RBFOX3: variants seen among roughly 807,000 people sequenced by gnomAD.
RBFOX3 encodes RNA binding fox-1 homolog 3, also known as RNA binding protein fox-1 homolog 3.
Under a neutral mutation model 48.7 loss-of-function variants are expected in RBFOX3, and 17 were observed. The ratio of observed to expected loss-of-function variants is 0.35; its 90% CI spans 0.24 to 0.52. RBFOX3 has a LOEUF of 0.52. RBFOX3 is among the 20% of genes least tolerant of loss of function. The pLI is 0.94. For missense variants in RBFOX3, 382 were observed against 497.5 expected, an observed-to-expected ratio of 0.77 and a Z score of 2.21; for synonymous variants, 212 against 209.5, an observed-to-expected ratio of 1.01 and a Z score of -0.10.
At chr17:79,202,786 C>G (rs910732384) in intron 4 of RBFOX3, among the ~76,000 whole-genome samples, 1 of 152,278 alleles carries the variant, frequency 6.6e-6, no homozygotes, top group East Asian at 1.9e-4. Context: ...CCACGTGGGA[C>G]TCCTGCAGAG....
intron 1 of RBFOX3, among the ~76,000 whole-genome samples, chr17:79,531,094 G>T (rs899837837): frequency 6.6e-6 from 1 of 152,240 alleles, no homozygotes; most frequent in South Asian, 2.1e-4. Context: ...AATCGTTTGC[G>T]CAGAGCCTGC....
At chr17:79,138,700 CAT>C (rs1257963945) in intron 4 of RBFOX3, among the ~76,000 whole-genome samples, 7 of 89,476 alleles carry the variant, frequency 7.8e-5, no homozygotes, top group African/African-American at 1.7e-4. Context: ...GGACACAGCA[CAT>C]GCGTTCACAC....
At chr17:79,407,279 A>G (rs1428911270) in intron 2 of RBFOX3, among the ~76,000 whole-genome samples, 2 of 152,224 alleles carry the variant, frequency 1.3e-5, no homozygotes, top group African/African-American at 4.8e-5. Context: ...AAGTGCCGGG[A>G]TTACAGGCGT....
At chr17:79,550,097 C>CT (rs2090988197) in intron 1 of RBFOX3, among the ~76,000 whole-genome samples, 1 of 152,166 alleles carries the variant, frequency 6.6e-6, no homozygotes, top group Non-Finnish European at 1.5e-5. Context: ...GGGACAACTT[C>CT]CCCAGCCAGG....
chr17:79,293,948 G>A (rs967924062), intron 3 of RBFOX3, among the ~76,000 whole-genome samples: 9 of 152,284 alleles, frequency 5.9e-5, no homozygotes, highest in African/African-American at 1.7e-4. Context: ...AAACAGGGCC[G>A]AGAAAGAGCC....
At chr17:79,191,479 G>A (rs891464243) in intron 4 of RBFOX3, among the ~76,000 whole-genome samples, 3 of 152,162 alleles carry the variant, frequency 2.0e-5, no homozygotes, top group Non-Finnish European at 4.4e-5. Flanking sequence ...AAGCCAAAGC[G>A]TCAGCTCATT....
At chr17:79,336,389 AAAATAAAT>A (rs71161661) in intron 2 of RBFOX3, among the ~76,000 whole-genome samples, 18 of 146,904 alleles carry the variant, frequency 1.2e-4, no homozygotes, top group Admixed American at 5.4e-4. Flanking sequence ...TTCATCTCAA[AAAATAAAT>A]AAATAAATAA....
At chr17:79,386,713 C>T (rs910191970) in intron 2 of RBFOX3, among the ~76,000 whole-genome samples, 2 of 152,198 alleles carry the variant, frequency 1.3e-5, no homozygotes. Flanking sequence ...TCCCTGCAGC[C>T]CTTGGGGTCC....
intron 2 of RBFOX3, among the ~76,000 whole-genome samples, chr17:79,406,831 G>A (rs2063596015): frequency 6.6e-6 from 1 of 152,142 alleles, no homozygotes; most frequent in Non-Finnish European, 1.5e-5. Flanking sequence ...GAGCAGCCAG[G>A]ACCTGGGGGG....
At chr17:79,292,484 A>C (rs2073464292) in intron 3 of RBFOX3, among the ~76,000 whole-genome samples, 1 of 152,130 alleles carries the variant, frequency 6.6e-6, no homozygotes, top group South Asian at 2.1e-4. Flanking sequence ...GAAGGTTCTC[A>C]ATGAATACTG....
At chr17:79,612,151 G>T (rs901237203), upstream of RBFOX3, among the ~76,000 whole-genome samples, 5 of 152,226 alleles carry the variant, frequency 3.3e-5, no homozygotes, top group Non-Finnish European at 7.3e-5. Flanking sequence ...ACAGGTTTAG[G>T]CAGGAGGCTG....
intron 2 of RBFOX3, among the ~76,000 whole-genome samples, chr17:79,409,676 C>G (rs1294885413): frequency 6.6e-6 from 1 of 152,210 alleles, no homozygotes; most frequent in Non-Finnish European, 1.5e-5. Flanking sequence ...TGTGTCTAAC[C>G]CCAGAGCAGG....
At chr17:79,268,151 G>A (rs1751238345) in intron 3 of RBFOX3, among the ~76,000 whole-genome samples, 1 of 54,450 alleles carries the variant, frequency 1.8e-5, no homozygotes, top group Non-Finnish European at 6.3e-5. Context: ...CAAGCAGGGA[G>A]AGTGGCTTCT....
chr17:79,103,801 G>A lies in RBFOX3; in HGVS notation c.414+272C>T, dbSNP rs767895719. 9.2e-5 allele frequency among the ~76,000 whole-genome samples: 14 copies of A among 152,052 alleles called. No homozygotes were observed. Among genetic ancestry groups the A allele is most frequent in the Non-Finnish European group, 1.9e-4 (13 of 68,004 alleles). On this transcript the variant is annotated intron_variant, in intron 7 of 14. Transcript: ENST00000693108. The surrounding 1 kb of genome is among the most constrained non-coding windows in gnomAD (Gnocchi z 6.1). ...GGTCCCCTGGGGTAAGTGTTCAGTG[G>A]GGGTGGGGCCCGGACCTGGGGCCCA...
At chr17:79,276,843 C>CCA (rs1157612881) in intron 3 of RBFOX3, among the ~76,000 whole-genome samples, 1 of 152,178 alleles carries the variant, frequency 6.6e-6, no homozygotes, top group Non-Finnish European at 1.5e-5. Context: ...GGAGAAGAGA[C>CCA]CACTGCCCCT....
At chr17:79,232,596 C>T (rs148730828) in intron 4 of RBFOX3, among the ~76,000 whole-genome samples, 3 of 152,284 alleles carry the variant, frequency 2.0e-5, no homozygotes, top group African/African-American at 7.2e-5. Context: ...GAAAAATAAA[C>T]CTCAATCTAT....
intron 1 of RBFOX3, among the ~76,000 whole-genome samples, chr17:79,547,830 A>T (rs757121420): frequency 3.6e-5 from 5 of 137,252 alleles, no homozygotes; most frequent in Non-Finnish European, 5.9e-5. Context: ...CCTGGGCTGT[A>T]CTCGCACCCA....
At chr17:79,147,484 G>A (rs2043272793) in intron 4 of RBFOX3, among the ~76,000 whole-genome samples, 2 of 152,244 alleles carry the variant, frequency 1.3e-5, no homozygotes, top group Admixed American at 6.5e-5. Flanking sequence ...TGCGCCAGAA[G>A]AGGCCTGGGG....
intron 4 of RBFOX3, among the ~76,000 whole-genome samples, chr17:79,177,733 G>A (rs564962024): frequency 2.0e-5 from 3 of 152,316 alleles, no homozygotes; most frequent in East Asian, 3.9e-4. Context: ...GATTTTACTA[G>A]TAGTTCCTGG....
Sources: allele counts gnomAD v4.1 joint callset (sites outside exome capture counted in the v4.1 genomes callset), GRCh38; gene constraint gnomAD v4.1.1; non-coding constraint Gnocchi (gnomAD v3.1); transcripts MANE v1.5; gene names NCBI Gene and HGNC (gene_info 2026-07-23, HGNC 2026-07-21).